MYO3B: variants seen among roughly 807,000 people sequenced by gnomAD.
MYO3B encodes myosin-IIIb.
Under a neutral mutation model 174.6 loss-of-function variants are expected in MYO3B, and 156 were observed. The ratio of observed to expected loss-of-function variants is 0.89; its 90% CI spans 0.78 to 1.02. The LOEUF is 1.02. MYO3B is among the 50% of genes least tolerant of loss of function. The probability of loss-of-function intolerance (pLI) is 0.00; values close to 1 mark genes in which losing one functional copy is unlikely to be tolerated. For missense variants in MYO3B, 1,632 were observed against 1,639.4 expected, an observed-to-expected ratio of 1.00 and a Z score of 0.08; for synonymous variants, 563 against 569.1, an observed-to-expected ratio of 0.99 and a Z score of 0.15.
intron 32 of MYO3B, among the ~76,000 whole-genome samples, chr2:170,624,686 G>T (rs1696248800): frequency 2.0e-5 from 3 of 152,168 alleles, no homozygotes; most frequent in Admixed American, 1.3e-4. Flanking sequence ...CATTCAGTAT[G>T]ATATTGGCTG....
At chr2:170,515,146 A>G in intron 29 of MYO3B, 124 bp downstream of exon 29, 1 of 766,710 alleles carries the variant, frequency 1.3e-6, no homozygotes, top group Admixed American at 2.9e-5. Flanking sequence ...TCTTTTTTCT[A>G]TAGGTGACAG....
intron 22 of MYO3B, among the ~76,000 whole-genome samples, chr2:170,432,215 C>A (rs1054656714): frequency 6.6e-6 from 1 of 151,996 alleles, no homozygotes; most frequent in African/African-American, 2.4e-5. Context: ...CTAGAAGAAA[C>A]CATTGTGATT....
chr2:170,210,329 AAC>A (rs1292898149), intron 3 of MYO3B, among the ~76,000 whole-genome samples: 1 of 152,220 alleles, frequency 6.6e-6, no homozygotes, highest in African/African-American at 2.4e-5. Context: ...TCTAATTCAA[AAC>A]AGTCCTTTAA....
At chr2:170,417,165 C>T (rs2094586043) in intron 22 of MYO3B, among the ~76,000 whole-genome samples, 1 of 152,128 alleles carries the variant, frequency 6.6e-6, no homozygotes, top group Admixed American at 6.5e-5. Flanking sequence ...TCAAATGTCA[C>T]CTCCAAAGAG....
At chr2:170,651,581 T>TC (rs775054307) in intron 32 of MYO3B, 47 bp from the exon 33 acceptor site, 2 of 1,529,236 alleles carry the variant, frequency 1.3e-6, no homozygotes, top group Non-Finnish European at 1.8e-6. Flanking sequence ...CACTTAATTT[T>TC]CCCAACACCT....
At chr2:170,420,536 G>A (rs547580724) in intron 22 of MYO3B, among the ~76,000 whole-genome samples, 60 of 152,282 alleles carry the variant, frequency 3.9e-4, no homozygotes, top group Non-Finnish European at 8.1e-4. Flanking sequence ...CCTGGAGTGG[G>A]TGACAGATTC....
chr2:170,536,854 G>A (rs993655266), intron 30 of MYO3B, among the ~76,000 whole-genome samples: 4 of 151,956 alleles, frequency 2.6e-5, no homozygotes, highest in Non-Finnish European at 5.9e-5. Context: ...TATATGACTT[G>A]TTTATCTGAA....
intron 1 of MYO3B, among the ~76,000 whole-genome samples, chr2:170,193,107 CTAT>C (rs2105323191): frequency 6.6e-6 from 1 of 151,842 alleles, no homozygotes; most frequent in East Asian, 1.9e-4. Flanking sequence ...ATGTCTTTTA[CTAT>C]TATTGTGTTT....
chr2:170,473,234 C>A (rs1315375480), intron 25 of MYO3B, among the ~76,000 whole-genome samples: 1 of 148,986 alleles, frequency 6.7e-6, no homozygotes, highest in Non-Finnish European at 1.5e-5. Context: ...GCTTCGCCTC[C>A]TGGATTCATG....
chr2:170,563,755 C>G (rs191522534), intron 32 of MYO3B, among the ~76,000 whole-genome samples: 1 of 152,332 alleles, frequency 6.6e-6, no homozygotes, highest in East Asian at 1.9e-4. Context: ...ATTCTCTCCA[C>G]TTTTTCTTCA....
At chr2:170,566,084 G>T (rs1278115945) in intron 32 of MYO3B, among the ~76,000 whole-genome samples, 1 of 152,204 alleles carries the variant, frequency 6.6e-6, no homozygotes, top group South Asian at 2.1e-4. Context: ...CATATCAGTA[G>T]GTTATAGTAC....
At chr2:170,370,850 C>T (rs1558932756) in intron 9 of MYO3B, among the ~76,000 whole-genome samples, 1 of 152,024 alleles carries the variant, frequency 6.6e-6, no homozygotes, top group Non-Finnish European at 1.5e-5. Flanking sequence ...TCTGGATTTT[C>T]ATATTTGCCT....
chr2:170,291,554 A>G (rs1418521919), intron 7 of MYO3B, among the ~76,000 whole-genome samples: 1 of 152,104 alleles, frequency 6.6e-6, no homozygotes, highest in Non-Finnish European at 1.5e-5. Context: ...TTTGCATGGT[A>G]GTGTTTTTCT....
At chr2:170,196,159 G>A (rs2092597689) in intron 1 of MYO3B, among the ~76,000 whole-genome samples, 2 of 152,228 alleles carry the variant, frequency 1.3e-5, no homozygotes, top group Non-Finnish European at 2.9e-5. Flanking sequence ...CATAGCTTTG[G>A]AAATGTTCCT....
intron 32 of MYO3B, among the ~76,000 whole-genome samples, chr2:170,649,390 A>C (rs1231895984): frequency 7.2e-5 from 5 of 69,428 alleles, no homozygotes; most frequent in African/African-American, 1.6e-4. Context: ...ATATTATATA[A>C]AAATATAAAA....
At chr2:170,371,639 C>T (rs1399399378) in intron 9 of MYO3B, among the ~76,000 whole-genome samples, 1 of 151,758 alleles carries the variant, frequency 6.6e-6, no homozygotes, top group Admixed American at 6.6e-5. Context: ...AAATATCATT[C>T]CATGCTGATA....
intron 32 of MYO3B, among the ~76,000 whole-genome samples, chr2:170,563,141 C>CACACAT (rs1167099076): frequency 7.0e-6 from 1 of 143,512 alleles, no homozygotes; most frequent in Non-Finnish European, 1.5e-5. Context: ...CACACACACA[C>CACACAT]ACACATACAC....
intron 7 of MYO3B, among the ~76,000 whole-genome samples, chr2:170,303,532 A>ATG (rs1160509957): frequency 1.3e-5 from 2 of 152,060 alleles, no homozygotes; most frequent in Non-Finnish European, 2.9e-5. Flanking sequence ...ATATAGGTAA[A>ATG]TGTGTGTCAT....
chr2:170,501,750 A>G, intron 27 of MYO3B, 35 bp from the exon 28 acceptor site: 1 of 1,426,916 alleles, frequency 7.0e-7, no homozygotes, highest in South Asian at 1.2e-5. Context: ...TTCTTAAATT[A>G]ATGTCATTCC....
Sources: allele counts gnomAD v4.1 joint callset (sites outside exome capture counted in the v4.1 genomes callset), GRCh38; gene constraint gnomAD v4.1.1; transcripts MANE v1.5; gene names NCBI Gene and HGNC (gene_info 2026-07-23, HGNC 2026-07-21).